Variants in ANXA7 observed in about 807,000 individuals in gnomAD.
ANXA7 encodes the protein annexin VII.
A neutral mutation model predicts 64.9 loss-of-function variants in ANXA7; 55 were observed. The ratio of observed to expected loss-of-function variants is 0.85; its 90% confidence interval spans 0.68 to 1.06. The LOEUF (loss-of-function observed/expected upper bound fraction) is 1.06, where lower values mean the gene tolerates loss of function less well. Ranked by LOEUF, ANXA7 falls within the 50% of genes least tolerant of loss-of-function variation. The pLI is 0.00. For missense variants in ANXA7, 548 were observed against 582.1 expected (o/e 0.94, Z 0.60); for synonymous variants, 200 against 192.4 (o/e 1.04, Z -0.33).
intron 6 of ANXA7, among the ~76,000 whole-genome samples, 160 bp downstream of exon 6, chr10:73,388,152 T>TACACACA (rs1262999319): frequency 6.6e-6 from 1 of 152,082 alleles, no homozygotes; most frequent in Non-Finnish European, 1.5e-5. Context: ...CAGCCTGAGG[T>TACACACA]CATCTCTTAG....
rs1372917553 is a variant in ANXA7 at position 73,396,160 on chromosome 10, C to T, written c.435+359G>A. The stretch of plus-strand genomic sequence containing the variant: ...AGGTAAAAATGGGAAACAAAACCAC[C>T]CTACATAAATCACTGTCAGAAATAC... On this transcript the variant is annotated intron_variant, in intron 5 of 12. Transcript: ENST00000372921. 3 of 1,185,054 alleles carry T rather than the reference C, an allele frequency of 2.5e-6. No individual in the cohort carries two copies. In the African/African-American group the frequency reaches 4.6e-5, roughly 18 times the overall value. The allele number at this position is 1,185,054 out of a possible 1,614,324, so 73.4% of individuals were successfully genotyped here.
At chr10:73,388,782 A>T (rs1279534512) in intron 5 of ANXA7, among the ~76,000 whole-genome samples, 1 of 152,246 alleles carries the variant, frequency 6.6e-6, no homozygotes, top group Non-Finnish European at 1.5e-5. Context: ...TTAAAAACAG[A>T]AGAATATAAA....
intron 12 of ANXA7, chr10:73,377,453 C>T (rs2055187856): frequency 6.6e-6 from 1 of 151,400 alleles, no homozygotes; most frequent in Admixed American, 6.6e-5. Flanking sequence ...ACCTGTAATC[C>T]CAGCTACTCA....
intron 2 of ANXA7, among the ~76,000 whole-genome samples, chr10:73,400,233 C>T (rs891399703): frequency 2.0e-5 from 3 of 152,112 alleles, no homozygotes; most frequent in African/African-American, 7.2e-5. Flanking sequence ...TAGCTATCAA[C>T]AAGGTGGAAC....
chr10:73,378,856 A>G, intron 12 of ANXA7, 55 bp downstream of exon 12: 2 of 1,368,042 alleles, frequency 1.5e-6, no homozygotes, highest in Non-Finnish European at 2.1e-6. Flanking sequence ...AACTTTTAAG[A>G]AATCAACATT....
At position 73,388,351 on chromosome 10, in the gene ANXA7, T is replaced by C. The variant is rs956797020; in HGVS notation, c.499A>G (p.Arg167Gly). Residue 167 changes from arginine to glycine, a missense_variant, in exon 6 of 13, where the codon AGA becomes GGA. By Grantham distance (125) the Arg-to-Gly change is moderately radical. Coordinates refer to ENST00000372921, the MANE Select transcript of ANXA7 (RefSeq NM_001156.5). ...GCCTTACGAAGAATTTCTGCATCTC[T>C]TATAGCATCGAAGTTGGCAGCTGGT... Reference protein sequence around the residue: ...IRPAANFDAIRDAEILRKAMK... With the variant: ...IRPAANFDAIGDAEILRKAMK... 3.1e-6 allele frequency: 5 copies of C among 1,613,992 alleles called. No individual in the cohort carries two copies. Among genetic ancestry groups the C allele is most frequent in the African/African-American group, 1.3e-5 (1 of 74,944 alleles).
At chr10:73,402,065 TC>T (rs2055675071) in intron 1 of ANXA7, among the ~76,000 whole-genome samples, 1 of 152,188 alleles carries the variant, frequency 6.6e-6, no homozygotes, top group African/African-American at 2.4e-5. Flanking sequence ...AAAAGTCCTT[TC>T]TAGGTGCCAC....
intron 7 of ANXA7, among the ~76,000 whole-genome samples, chr10:73,387,289 C>T (rs958570488): frequency 2.6e-5 from 4 of 151,918 alleles, no homozygotes; most frequent in Non-Finnish European, 5.9e-5. Context: ...CTGAGGCAGG[C>T]GGATCACTTG....
chr10:73,402,130 G>C (rs1466322598), intron 1 of ANXA7, among the ~76,000 whole-genome samples: 1 of 152,104 alleles, frequency 6.6e-6, no homozygotes, highest in Non-Finnish European at 1.5e-5. Flanking sequence ...ATGGTACAAT[G>C]GTTAAGAGTT....
chr10:73,381,697 G>C (rs1428278838), intron 9 of ANXA7: 3 of 152,208 alleles, frequency 2.0e-5, no homozygotes, highest in Non-Finnish European at 4.4e-5. Flanking sequence ...TGCATAAAGA[G>C]AGACTCAGCA....
chr10:73,413,702 C>T (rs1023108623), intron 1 of ANXA7, among the ~76,000 whole-genome samples: 2 of 152,264 alleles, frequency 1.3e-5, no homozygotes, highest in South Asian at 2.1e-4. Context: ...TCCCGCGAGG[C>T]AGCTGGGCCA....
intron 12 of ANXA7, 78 bp from the exon 13 acceptor site, chr10:73,376,295 G>T (rs1242507277): frequency 1.5e-6 from 2 of 1,351,754 alleles, no homozygotes; most frequent in East Asian, 5.3e-5. Flanking sequence ...TAAATAATAA[G>T]ATCTTAATAA....
In ANXA7 at chr10:73,376,184, G is replaced by T; in HGVS notation, c.1312C>A (p.Gln438Lys). 1 of 1,598,516 alleles carries T rather than the reference G, an allele frequency of 6.3e-7. No homozygotes were observed. The highest frequency in any genetic ancestry group is 1.2e-5 in the South Asian group (1 of 86,668). The change falls in exon 13 of 13, where the codon CAG (glutamine) becomes AAG (lysine). Residue 438 changes from glutamine (Q) to lysine (K), a missense_variant. Coordinates refer to ENST00000372921, the MANE Select transcript of ANXA7 (RefSeq NM_001156.5). ...GTGCCCAGAGTCTTCTGATACATCT[G>T]AGCGAACATCTGTTTTATTTGTACA... The part of the protein sequence containing the change: ...DLVQIKQMFA[Q>K]MYQKTLGTMI...
chr10:73,378,531 A>C (rs2055223803), intron 12 of ANXA7, among the ~76,000 whole-genome samples: 1 of 152,122 alleles, frequency 6.6e-6, no homozygotes, highest in South Asian at 2.1e-4. Context: ...ATTATTAATA[A>C]AGGATGCTAA....
chr10:73,400,431 C>T (rs973804397), intron 2 of ANXA7, among the ~76,000 whole-genome samples: 1 of 152,142 alleles, frequency 6.6e-6, no homozygotes, highest in African/African-American at 2.4e-5. Flanking sequence ...ATGGATTTTG[C>T]TTACATCCAT....
At position 73,397,238 on chromosome 10, in the gene ANXA7, C is replaced by G; in HGVS notation, c.296G>C (p.Gly99Ala). The change falls in exon 4 of 13, where the codon GGA becomes GCA. Residue 99 changes from glycine (G) to alanine (A), a missense_variant. Physicochemically the swap from Gly to Ala is moderately conservative, Grantham distance 60 (BLOSUM62 0). Coordinates refer to ENST00000372921, the MANE Select transcript of ANXA7 (RefSeq NM_001156.5). Reference protein sequence around the residue: ...PGQGFGVPPGGAGFSGYPQPP... With the variant: ...PGQGFGVPPGAAGFSGYPQPP... ...CTGTGGATACCCAGAAAAGCCTGCT[C>G]CACCTGGTGGGACTCCAAATCCTTG... 1 of 1,612,532 alleles carries G rather than the reference C, an allele frequency of 6.2e-7. No individual in the cohort carries two copies. Among genetic ancestry groups the G allele is most frequent in the Admixed American group, 1.7e-5 (1 of 59,954 alleles).
intron 7 of ANXA7, 109 bp downstream of exon 7, chr10:73,387,580 T>C (rs1456964225): frequency 2.4e-6 from 2 of 846,830 alleles, no homozygotes; most frequent in Non-Finnish European, 4.0e-6. Flanking sequence ...AAAGTCTAGT[T>C]GTCCCTCTTT....
chr10:73,382,275 G>C (rs1035882315), intron 9 of ANXA7, among the ~76,000 whole-genome samples: 1 of 152,154 alleles, frequency 6.6e-6, no homozygotes, highest in African/African-American at 2.4e-5. Context: ...TATTGAATCA[G>C]CATGCTAGTC....
intron 7 of ANXA7, among the ~76,000 whole-genome samples, chr10:73,386,729 A>G (rs562036496): frequency 2.0e-5 from 3 of 152,232 alleles, no homozygotes; most frequent in Non-Finnish European, 2.9e-5. Flanking sequence ...GTGCAGTAAC[A>G]CAATCACAGC....
Sources: allele counts gnomAD v4.1 joint callset (sites outside exome capture counted in the v4.1 genomes callset), GRCh38; gene constraint gnomAD v4.1.1; transcripts MANE v1.5; gene names NCBI Gene and HGNC (gene_info 2026-07-23, HGNC 2026-07-21).